NLN: variants seen among roughly 807,000 people sequenced by gnomAD.
NLN encodes the protein neurolysin, mitochondrial.
In NLN, 64 loss-of-function variants were observed where a neutral mutation model predicts 79.9. The observed-to-expected ratio is 0.80, with a 90% CI of 0.65 to 0.99. The LOEUF (loss-of-function observed/expected upper bound fraction) is 0.99. NLN is among the 50% of genes least tolerant of loss of function. The pLI is 0.00. For missense variants in NLN, 835 were observed against 858.7 expected (o/e 0.97, Z 0.34); for synonymous variants, 267 against 296.6 (o/e 0.90, Z 1.02).
chr5:65,766,467 A>C (rs1759452862), intron 3 of NLN, among the ~76,000 whole-genome samples: 1 of 152,010 alleles, frequency 6.6e-6, no homozygotes, highest in African/African-American at 2.4e-5. Context: ...GGGGGAAACC[A>C]CCCCATGATC....
intron 9 of NLN, chr5:65,793,300 C>T (rs1303798206): frequency 1.9e-5 from 3 of 157,620 alleles, no homozygotes; most frequent in Non-Finnish European, 4.2e-5. Flanking sequence ...AACATTTAAC[C>T]ATTATTAACA....
In NLN at chr5:65,823,840, G is replaced by C. The variant is rs1465144828; in HGVS notation, c.*925G>C. The C allele has an allele frequency of 6.6e-6, 1 of 152,258 alleles. No homozygotes were observed. The highest frequency in any genetic ancestry group is 6.5e-5 in the Admixed American group (1 of 15,282). The allele number at this position is 152,258 out of a possible 1,614,324, so 9.4% of individuals were successfully genotyped here. ...GGCTCTGTAGAGAGCCATGGGAAGA[G>C]AGAGGAGGTGGATGTGGAACATAAA... On this transcript the variant is annotated 3_prime_UTR_variant, in exon 13 of 13. Transcript: ENST00000380985.
rs761722243 is a variant in NLN, at chr5:65,731,742, CTTTTTTTTTTTTTT to C, written c.41+9341_41+9354del. On this transcript the variant is annotated intron_variant, in intron 1 of 12. Transcript: ENST00000380985. The stretch of plus-strand genomic sequence containing the variant: ...GTATTTTAAAAATCACCTACATTTT[CTTTTTTTTTTTTTT>C]TTTTTTTTTTTTCAGACAGAGTCTA... Among the ~76,000 whole-genome samples, 5 of 62,014 alleles carry C rather than the reference CTTTTTTTTTTTTTT, an allele frequency of 8.1e-5. 1 individual carries two copies. The highest frequency in any genetic ancestry group is 1.9e-4 in the African/African-American group (3 of 15,736). The allele number at this position is 62,014 out of a possible 152,430, so 40.7% of individuals were successfully genotyped here.
At chr5:65,725,129 G>A (rs1399416132) in intron 1 of NLN, among the ~76,000 whole-genome samples, 3 of 152,076 alleles carry the variant, frequency 2.0e-5, no homozygotes, top group Non-Finnish European at 4.4e-5. Flanking sequence ...TCGCATTTTT[G>A]CAAAACTAAT....
rs1464939598 is a variant in NLN, at chr5:65,809,562, A to G, written c.1575A>G (p.Val525=). ...FSGTNVETDF[V]EVPSQMLENW... ...GAACAAATGTGGAAACTGACTTTGT[A>G]GAGGTGCCATCGCAAATGCTTGAAA... The change falls in exon 10 of 13, where the codon GTA becomes GTG. Residue 525 remains valine (V), a synonymous_variant. Coordinates refer to ENST00000380985, the MANE Select transcript of NLN (RefSeq NM_020726.5). 3 of 1,612,640 alleles carry G rather than the reference A, an allele frequency of 1.9e-6. No homozygotes were observed. Among genetic ancestry groups the G allele is most frequent in the Non-Finnish European group, 2.5e-6 (3 of 1,179,692 alleles).
At chr5:65,765,174 G>T (rs1252214640) in intron 3 of NLN, among the ~76,000 whole-genome samples, 1 of 152,128 alleles carries the variant, frequency 6.6e-6, no homozygotes, top group African/African-American at 2.4e-5. Context: ...CTTGAGCTCG[G>T]GAGTTCAAGA....
chr5:65,756,792 G>A (rs1353360317), intron 1 of NLN, among the ~76,000 whole-genome samples: 5 of 152,052 alleles, frequency 3.3e-5, no homozygotes, highest in East Asian at 1.9e-4. Flanking sequence ...CATGAGCCAC[G>A]GTGCCTGGCC....
chr5:65,768,758 G>A (rs969935564), intron 3 of NLN, among the ~76,000 whole-genome samples: 5 of 152,190 alleles, frequency 3.3e-5, no homozygotes, highest in Non-Finnish European at 7.3e-5. Context: ...CACATGGCAC[G>A]GGTTGGGAGG....
intron 9 of NLN, among the ~76,000 whole-genome samples, chr5:65,802,015 G>T (rs1450816176): frequency 6.6e-6 from 1 of 152,166 alleles, no homozygotes; most frequent in Non-Finnish European, 1.5e-5. Flanking sequence ...GCCTTTATTT[G>T]CTGTTAGTAC....
At chr5:65,786,596 C>T (rs1759928082) in intron 7 of NLN, among the ~76,000 whole-genome samples, 1 of 152,118 alleles carries the variant, frequency 6.6e-6, no homozygotes, top group African/African-American at 2.4e-5. Flanking sequence ...GCAGTTCATG[C>T]CTGTAATCCC....
chr5:65,798,897 T>C lies in NLN; in HGVS notation c.1527+6242T>C, dbSNP rs544711930. Among the ~76,000 whole-genome samples the C allele has an allele frequency of 7.9e-4, 121 of 152,314 alleles. No individual in the cohort carries two copies. In the Middle Eastern group the frequency reaches 0.017, roughly 21 times the overall value. ...GTTTAGTTTTTTGTTTGTTTGTTTT[T>C]GGAGACAGGGTCTCACTCTGTCACT... On this transcript the variant is annotated intron_variant, in intron 9 of 12. Transcript: ENST00000380985.
rs1309820 is a variant in NLN at position 65,808,319 on chromosome 5, G to A, written c.1528-1196G>A. Among the ~76,000 whole-genome samples, 1,029 of 152,346 alleles carry A rather than the reference G, an allele frequency of 6.8e-3. 5 individuals carry two copies. The highest frequency in any genetic ancestry group is 0.011 in the Non-Finnish European group (737 of 68,038). ...TTGCTGCTGATTCGGCACCCCATCT[G>A]CTGCCTTCTCTGGTGGTTACATCCC... is the stretch of plus-strand genomic sequence containing the variant. On this transcript the variant is annotated intron_variant, in intron 9 of 12. Coordinates refer to ENST00000380985, the MANE Select transcript of NLN (RefSeq NM_020726.5).
chr5:65,775,845 C>T (rs994067725), intron 3 of NLN, among the ~76,000 whole-genome samples: 4 of 152,198 alleles, frequency 2.6e-5, no homozygotes, highest in African/African-American at 9.7e-5. Flanking sequence ...ACAAATTCTC[C>T]AGGGATACAA....
intron 7 of NLN, 67 bp from the exon 8 acceptor site, chr5:65,788,051 G>A (rs2150761469): frequency 4.0e-6 from 6 of 1,483,812 alleles, no homozygotes; most frequent in South Asian, 3.8e-5. Context: ...CTAAAACACA[G>A]GTGGTATTTA....
At chr5:65,744,610 CAGCTGAGGCTGGGCACAGT>C (rs1758935145) in intron 1 of NLN, among the ~76,000 whole-genome samples, 1 of 152,066 alleles carries the variant, frequency 6.6e-6, no homozygotes. Context: ...TAGGATACCT[CAGCTGAGGCTGGGCACAGT>C]GGCTCATGCC....
In NLN at chr5:65,812,391, G is replaced by T. The variant is rs751615059; in HGVS notation, c.1980G>T (p.Glu660Asp). 2.0e-6 allele frequency: 3 copies of T among 1,504,214 alleles called. No homozygotes were observed. The highest frequency in any genetic ancestry group is 2.8e-6 in the Non-Finnish European group (3 of 1,085,294). The allele number at this position is 1,504,214 out of a possible 1,614,324, so 93.2% of individuals were successfully genotyped here. ...CFKKEGIMNP[E>D]VGMKYRNLIL... ...AAAAAGAAGGGATAATGAATCCAGAGGTATAGTATTATTTTTCTCCTTTTA... is the reference window on the plus strand; with the variant it reads ...AAAAAGAAGGGATAATGAATCCAGATGTATAGTATTATTTTTCTCCTTTTA... Residue 660 changes from glutamate (E) to aspartate (D), a missense_variant and splice_region_variant, in exon 12 of 13, where the codon GAG (glutamate) becomes GAT (aspartate). Glu to Asp is a conservative substitution (Grantham distance 45). Coordinates refer to ENST00000380985, the MANE Select transcript of NLN (RefSeq NM_020726.5).
Position 65,762,979 on chromosome 5 carries a change from C to G in NLN, c.321C>G (p.Asp107Glu). 6.2e-7 allele frequency: 1 copy of G among 1,613,960 alleles called. No individual in the cohort carries two copies. The highest frequency in any genetic ancestry group is 8.5e-7 in the Non-Finnish European group (1 of 1,179,918). Residue 107 changes from aspartate (D) to glutamate (E), a missense_variant, in exon 3 of 13, where the codon GAC (aspartate) becomes GAG (glutamate). Asp to Glu is a conservative substitution (Grantham distance 45). Coordinates refer to ENST00000380985, the MANE Select transcript of NLN (RefSeq NM_020726.5). Reference sequence around the variant, plus strand: ...CTGCAGTGGAAAGGACCATGCTAGACTTTCCCCAGCATGTATCCTCTGACA... The same window carrying G: ...CTGCAGTGGAAAGGACCATGCTAGAGTTTCCCCAGCATGTATCCTCTGACA... ...VKYIVERTML[D>E]FPQHVSSDKE... is the part of the protein sequence containing the mutation.
At chr5:65,816,986 G>T (rs1760685045) in intron 12 of NLN, among the ~76,000 whole-genome samples, 1 of 152,158 alleles carries the variant, frequency 6.6e-6, no homozygotes, top group South Asian at 2.1e-4. Context: ...AGAAGACTGT[G>T]TCCAGGCCTT....
chr5:65,775,648 C>G (rs946553410), intron 3 of NLN, among the ~76,000 whole-genome samples: 4 of 152,210 alleles, frequency 2.6e-5, no homozygotes, highest in Non-Finnish European at 5.9e-5. Context: ...TAGATCAACC[C>G]AAGTTAATCA....
Sources: gnomAD v4.1 joint callset for allele counts (sites outside exome capture counted in the v4.1 genomes callset) on GRCh38, gnomAD v4.1.1 for gene constraint, MANE v1.5 for transcripts, NCBI Gene and HGNC (gene_info 2026-07-23, HGNC 2026-07-21) for gene names.